The following NALF1 variants were observed in gnomAD, a reference collection of about 807,000 sequenced individuals.
NALF1 encodes the protein NALCN channel auxiliary factor 1, also known as family with sequence similarity 155 member A.
A neutral mutation model predicts 48.4 loss-of-function variants in NALF1; 3 were observed. The ratio of observed to expected loss-of-function variants is 0.06; its 90% CI spans 0.03 to 0.16. NALF1 has a LOEUF of 0.16. Among genes scored for constraint, NALF1 ranks in the 10% least tolerant of loss-of-function variants. NALF1 has a pLI of 1.00. For missense variants in NALF1, 526 were observed against 571.5 expected (o/e 0.92, Z 0.81); for synonymous variants, 262 against 245.7 (o/e 1.07, Z -0.62).
At chr13:107,857,573 C>A (rs528242972) in intron 1 of NALF1, among the ~76,000 whole-genome samples, 3 of 152,136 alleles carry the variant, frequency 2.0e-5, no homozygotes, top group Non-Finnish European at 4.4e-5. Flanking sequence ...TCCAGTCAAT[C>A]TAAAATGTAG....
chr13:107,170,600 A>G lies in NALF1; in HGVS notation c.1274T>C (p.Ile425Thr). The G allele has an allele frequency of 1.2e-6, 2 of 1,614,232 alleles. No individual in the cohort carries two copies. The highest frequency in any genetic ancestry group is 1.7e-6 in the Non-Finnish European group (2 of 1,180,038). Residue 425 changes from isoleucine to threonine, a missense_variant, in exon 3 of 3, where the codon ATT becomes ACT. Around this residue, in one of 2 missense-constraint regions of NALF1, gnomAD observed 153 missense variants for 215.9 expected, o/e 0.71. Coordinates refer to ENST00000375915, the MANE Select transcript of NALF1 (RefSeq NM_001080396.3). ...SRLKLCVLVL[I>T]LLHTVLTASA... ...GGCTGTGAGCACTGTGTGTAAGAGA[A>G]TCAGTACAAGAACACACAGCTTGAG...
chr13:107,759,852 C>T (rs9587435), intron 1 of NALF1, among the ~76,000 whole-genome samples: 21,667 of 151,972 alleles, frequency 0.14, 1,795 homozygotes, highest in Admixed American at 0.24. Flanking sequence ...GTTGTCCCCC[C>T]CATCCTCCAG....
At chr13:107,780,946 A>G (rs746106893) in intron 1 of NALF1, among the ~76,000 whole-genome samples, 2 of 152,154 alleles carry the variant, frequency 1.3e-5, no homozygotes, top group Non-Finnish European at 2.9e-5. Context: ...TATTCTTAGC[A>G]TTTAGTATAT....
intron 1 of NALF1, among the ~76,000 whole-genome samples, chr13:107,354,363 GGA>G (rs1388532176): frequency 2.0e-5 from 3 of 152,044 alleles, no homozygotes; most frequent in African/African-American, 7.3e-5. Flanking sequence ...AAGGTATGGT[GGA>G]GAGAGAGGAG....
At chr13:107,557,381 T>C (rs1238271582) in intron 1 of NALF1, among the ~76,000 whole-genome samples, 1 of 152,072 alleles carries the variant, frequency 6.6e-6, no homozygotes, top group African/African-American at 2.4e-5. Context: ...GGGGAAAAGA[T>C]GGAAACTTTG....
intron 1 of NALF1, among the ~76,000 whole-genome samples, chr13:107,794,840 A>G (rs977732961): frequency 1.3e-5 from 2 of 152,142 alleles, no homozygotes; most frequent in African/African-American, 4.8e-5. Flanking sequence ...AGTCATGTCT[A>G]AAGCTATGTT....
chr13:107,545,187 C>A (rs985544617), intron 1 of NALF1, among the ~76,000 whole-genome samples: 17 of 152,118 alleles, frequency 1.1e-4, no homozygotes, highest in Non-Finnish European at 1.9e-4. Flanking sequence ...GATGAAGAAA[C>A]ATAAAGACAG....
intron 1 of NALF1, among the ~76,000 whole-genome samples, chr13:107,675,426 A>G (rs60753865): frequency 6.6e-6 from 1 of 152,182 alleles, no homozygotes; most frequent in African/African-American, 2.4e-5. Flanking sequence ...ATGGGGGGGA[A>G]GGGAGGAAAT....
At chr13:107,810,363 C>A (rs1267343405) in intron 1 of NALF1, among the ~76,000 whole-genome samples, 1 of 152,084 alleles carries the variant, frequency 6.6e-6, no homozygotes, top group Non-Finnish European at 1.5e-5. Context: ...ATCCCTCATT[C>A]AATGACTGGC....
intron 1 of NALF1, among the ~76,000 whole-genome samples, chr13:107,673,624 T>C (rs545716025): frequency 6.6e-6 from 1 of 152,268 alleles, no homozygotes; most frequent in South Asian, 2.1e-4. Flanking sequence ...TCTACAGCAC[T>C]GTAGGGTGAC....
intron 1 of NALF1, among the ~76,000 whole-genome samples, chr13:107,823,557 C>G (rs1284634384): frequency 6.6e-6 from 1 of 152,156 alleles, no homozygotes; most frequent in African/African-American, 2.4e-5. Flanking sequence ...TCTGGTCTCA[C>G]TGGCTTTGGT....
At chr13:107,605,026 G>A (rs1879027188) in intron 1 of NALF1, among the ~76,000 whole-genome samples, 1 of 152,138 alleles carries the variant, frequency 6.6e-6, no homozygotes, top group Non-Finnish European at 1.5e-5. Context: ...TTACAGGTAA[G>A]AAAACTGATG....
intron 1 of NALF1, among the ~76,000 whole-genome samples, chr13:107,534,862 T>C (rs929662797): frequency 9.2e-5 from 14 of 152,166 alleles, no homozygotes; most frequent in Non-Finnish European, 1.8e-4. Context: ...GAGTATTCAG[T>C]GTGAAGCATT....
At chr13:107,474,923 T>A (rs547728756) in intron 1 of NALF1, among the ~76,000 whole-genome samples, 1 of 152,208 alleles carries the variant, frequency 6.6e-6, no homozygotes, top group African/African-American at 2.4e-5. Context: ...CCTAATTTCA[T>A]ACCAGTTTGA....
At chr13:107,215,244 C>T (rs1879848118) in intron 1 of NALF1, among the ~76,000 whole-genome samples, 1 of 152,226 alleles carries the variant, frequency 6.6e-6, no homozygotes, top group Non-Finnish European at 1.5e-5. Flanking sequence ...TCATTCCGAA[C>T]ATATCCTTTT....
In NALF1 at chr13:107,488,548, A is replaced by C. The variant is rs528059105; in HGVS notation, c.916-277793T>G. Among the ~76,000 whole-genome samples, 44 of 152,328 alleles carry C rather than the reference A, an allele frequency of 2.9e-4. No homozygotes were observed. In the South Asian group the frequency reaches 4.3e-3, roughly 15 times the overall value. On this transcript the variant is annotated intron_variant, in intron 1 of 2. Coordinates refer to ENST00000375915, the MANE Select transcript of NALF1 (RefSeq NM_001080396.3). ...CACATGATTATCTCAATAGATGCAG[A>C]AAAGTCTTTCAATAATATTCAACAT... is the stretch of plus-strand genomic sequence containing the variant.
At chr13:107,270,201 T>G (rs1248175553) in intron 1 of NALF1, among the ~76,000 whole-genome samples, 3 of 152,138 alleles carry the variant, frequency 2.0e-5, no homozygotes, top group Non-Finnish European at 4.4e-5. Context: ...TTCAGAATAT[T>G]GAAAATTTAT....
intron 2 of NALF1, among the ~76,000 whole-genome samples, chr13:107,175,298 TA>T (rs1566441438): frequency 6.6e-6 from 1 of 152,060 alleles, no homozygotes; most frequent in Non-Finnish European, 1.5e-5. Flanking sequence ...GACTGCCTCT[TA>T]AAACTGACTT....
chr13:107,260,616 T>C (rs901223669), intron 1 of NALF1, among the ~76,000 whole-genome samples: 1 of 152,332 alleles, frequency 6.6e-6, no homozygotes, highest in Admixed American at 6.5e-5. Context: ...AACAGACTGA[T>C]GTATTGGCTT....
Sources: allele counts gnomAD v4.1 joint callset (sites outside exome capture counted in the v4.1 genomes callset), GRCh38; gene constraint gnomAD v4.1.1; regional missense constraint gnomAD v4.1.1; transcripts MANE v1.5; gene names NCBI Gene and HGNC (gene_info 2026-07-23, HGNC 2026-07-21).